RBM20: variants seen among roughly 807,000 people sequenced by gnomAD.
RBM20 encodes the protein RNA-binding protein 20.
A neutral mutation model predicts 110.1 loss-of-function variants in RBM20; 51 were observed. The ratio of observed to expected loss-of-function variants is 0.46; its 90% CI spans 0.37 to 0.59. RBM20 has a LOEUF of 0.59. RBM20 is among the 20% of genes least tolerant of loss of function. The probability of loss-of-function intolerance (pLI) is 0.00; values close to 1 mark genes in which losing one functional copy is unlikely to be tolerated. For synonymous variants in RBM20, 589 were observed against 618.2 expected (o/e 0.95, Z 0.70); for missense variants, 1,512 against 1,574.9 (o/e 0.96, Z 0.68).
chr10:110,781,901 A>G lies in RBM20; in HGVS notation c.1275+17A>G, dbSNP rs1844358153. 1.3e-6 allele frequency: 2 copies of G among 1,551,724 alleles called. No homozygotes were observed. The highest frequency in any genetic ancestry group is 2.4e-5 in the East Asian group (1 of 40,924). On this transcript the variant is annotated intron_variant, in intron 2 of 13. Coordinates refer to ENST00000369519, the MANE Select transcript of RBM20 (RefSeq NM_001134363.3). ...GATTTGAAGGTGAGTTGTCCAAGAC[A>G]GGCTGGGAGCCACAGCTAGAAGCCT...
intron 5 of RBM20, among the ~76,000 whole-genome samples, chr10:110,793,159 T>G (rs1025718540): frequency 6.6e-6 from 1 of 152,200 alleles, no homozygotes; most frequent in Non-Finnish European, 1.5e-5. Context: ...AAAAGGAAAC[T>G]AGTTTGTCTC....
At chr10:110,813,040 A>G (rs2135106679) in intron 9 of RBM20, 93 bp downstream of exon 9, 5 of 912,518 alleles carry the variant, frequency 5.5e-6, no homozygotes, top group East Asian at 2.7e-5. Context: ...TATTGAATGA[A>G]TGAACATTTA....
intron 1 of RBM20, among the ~76,000 whole-genome samples, chr10:110,760,833 C>A (rs1843988294): frequency 1.3e-5 from 2 of 150,616 alleles, no homozygotes; most frequent in African/African-American, 4.9e-5. Context: ...GTGGCTCAGG[C>A]CTGTAATCCC....
At chr10:110,812,985 G>A in intron 9 of RBM20, 38 bp downstream of exon 9, 4 of 1,330,844 alleles carry the variant, frequency 3.0e-6, no homozygotes, top group Non-Finnish European at 2.0e-6. Context: ...GGCGAGGCAG[G>A]CCCTGAAGGA....
At chr10:110,708,348 C>T (rs115375642) in intron 1 of RBM20, among the ~76,000 whole-genome samples, 42 of 152,264 alleles carry the variant, frequency 2.8e-4, no homozygotes, top group East Asian at 1.7e-3. Context: ...TCTTAACTAA[C>T]GTTTATCAGA....
intron 9 of RBM20, among the ~76,000 whole-genome samples, chr10:110,813,930 CAG>C (rs146136415): frequency 0.1 from 15,449 of 151,656 alleles, 863 homozygotes; most frequent in Middle Eastern, 0.14. Flanking sequence ...TCAGTTCACA[CAG>C]GGGCGTCACA....
intron 1 of RBM20, among the ~76,000 whole-genome samples, chr10:110,774,426 C>T (rs150350708): frequency 4.8e-4 from 73 of 152,290 alleles, no homozygotes; most frequent in Middle Eastern, 3.4e-3. Context: ...GACCCAGCAG[C>T]CCTATTGTTA....
intron 1 of RBM20, among the ~76,000 whole-genome samples, chr10:110,770,751 C>T (rs916246362): frequency 2.0e-5 from 3 of 152,148 alleles, no homozygotes; most frequent in African/African-American, 4.8e-5. Flanking sequence ...AAAAAAATAT[C>T]GGTGATGTAA....
chr10:110,830,654 G>A (rs954675561), intron 12 of RBM20, among the ~76,000 whole-genome samples: 5 of 152,030 alleles, frequency 3.3e-5, no homozygotes, highest in East Asian at 1.9e-4. Flanking sequence ...AGAATTCTTC[G>A]AGAGTCCCGG....
chr10:110,651,307 A>G (rs944072584), intron 1 of RBM20, among the ~76,000 whole-genome samples: 6 of 152,242 alleles, frequency 3.9e-5, no homozygotes, highest in African/African-American at 1.4e-4. Flanking sequence ...CCACAAAAAG[A>G]GAATGAAATA....
intron 1 of RBM20, among the ~76,000 whole-genome samples, chr10:110,667,478 G>A (rs922254250): frequency 1.3e-5 from 2 of 152,112 alleles, no homozygotes; most frequent in South Asian, 2.1e-4. Context: ...ATCCTGCCTC[G>A]GTGGGTGAAT....
rs989941509 is a variant in RBM20, at chr10:110,797,468, C to A, written c.1528-40C>A. On this transcript the variant is annotated intron_variant, in intron 5 of 13. Transcript: ENST00000369519. The stretch of plus-strand genomic sequence containing the variant: ...GTCTGGAAGAGAGGGGAAAAGGGAA[C>A]CGTCTTCTGAATACCACTAATGATC... The A allele has an allele frequency of 2.0e-6, 3 of 1,481,406 alleles. No individual in the cohort carries two copies. The South Asian group carries it at 4.2e-5, about 21-fold the overall frequency. 91.8% of individuals were successfully genotyped at this position (1,481,406 alleles called of 1,614,324 possible).
chr10:110,821,550 C>T lies in RBM20; in HGVS notation c.2931C>T (p.Ser977=). 6.4e-7 allele frequency: 1 copy of T among 1,551,432 alleles called. No individual in the cohort carries two copies. Among genetic ancestry groups the T allele is most frequent in the Non-Finnish European group, 8.7e-7 (1 of 1,146,566 alleles). ...KAVGNGAAEI[S]LKSPRELPSA... Reference sequence around the variant, plus strand: ...TAGGGAATGGGGCTGCAGAAATCAGCCTCAAGTCACCCAGAGAACTGCCCT... The same window carrying T: ...TAGGGAATGGGGCTGCAGAAATCAGTCTCAAGTCACCCAGAGAACTGCCCT... Residue 977 remains serine, a synonymous_variant, in exon 11 of 14, where the codon AGC becomes AGT. Transcript: ENST00000369519.
chr10:110,693,018 C>T (rs1177096109), intron 1 of RBM20, among the ~76,000 whole-genome samples: 2 of 152,026 alleles, frequency 1.3e-5, no homozygotes, highest in Non-Finnish European at 1.5e-5. Flanking sequence ...CGATTAGATG[C>T]TCATGAGGTT....
At chr10:110,783,302 C>G (rs375845976) in intron 2 of RBM20, 64 bp from the exon 3 acceptor site, 40 of 1,289,330 alleles carry the variant, frequency 3.1e-5, no homozygotes, top group Non-Finnish European at 4.3e-5. Context: ...TGTCTCTGTG[C>G]TCATCCTTTG....
chr10:110,797,547 T>C lies in RBM20; in HGVS notation c.1567T>C (p.Cys523Arg). The stretch of plus-strand genomic sequence containing the variant: ...AGGGGCTGGCCGTGTGGTGCACATC[T>C]GCAATCTCCCTGAAGGAAGCTGCAC... The part of the protein sequence containing the change: ...RKGAGRVVHI[C>R]NLPEGSCTEN... The change falls in exon 6 of 14, where the codon TGC becomes CGC. Residue 523 changes from cysteine to arginine, a missense_variant. Physicochemically the swap from Cys to Arg is radical, Grantham distance 180. Coordinates refer to ENST00000369519, the MANE Select transcript of RBM20 (RefSeq NM_001134363.3). The C allele has an allele frequency of 1.3e-6, 2 of 1,551,696 alleles. No individual in the cohort carries two copies. The highest frequency in any genetic ancestry group is 1.7e-6 in the Non-Finnish European group (2 of 1,146,978).
intron 1 of RBM20, among the ~76,000 whole-genome samples, chr10:110,758,014 C>CTT (rs760246427): frequency 0.014 from 1,080 of 79,806 alleles, 184 homozygotes; most frequent in African/African-American, 0.052. Flanking sequence ...GATCCTTGTT[C>CTT]TTTTTTTTTT....
chr10:110,699,829 G>A (rs190744529), intron 1 of RBM20, among the ~76,000 whole-genome samples: 47 of 152,128 alleles, frequency 3.1e-4, no homozygotes, highest in African/African-American at 9.4e-4. Context: ...ACTCTTGTGC[G>A]TTGGGGCCAT....
rs192662961 is a variant in RBM20 at position 110,686,836 on chromosome 10, C to T, written c.191+42191C>T. Among the ~76,000 whole-genome samples, 373 of 151,758 alleles carry T rather than the reference C, an allele frequency of 2.5e-3. 1 individual carries two copies. The highest frequency in any genetic ancestry group is 3.2e-3 in the Non-Finnish European group (215 of 67,898). On this transcript the variant is annotated intron_variant, in intron 1 of 13. Transcript: ENST00000369519. ...GGCAGATCATTTGAGGTCAGGAGTT[C>T]GAGACCAGCCTGACCAACACGGTGA...
Sources: allele counts gnomAD v4.1 joint callset (sites outside exome capture counted in the v4.1 genomes callset), GRCh38; gene constraint gnomAD v4.1.1; transcripts MANE v1.5; gene names NCBI Gene and HGNC (gene_info 2026-07-23, HGNC 2026-07-21).